Variants in ARHGAP11B observed in about 807,000 individuals in gnomAD.
ARHGAP11B encodes the protein inactive Rho GTPase-activating protein 11B.
A neutral mutation model predicts 27.6 loss-of-function variants in ARHGAP11B; 14 were observed. The observed-to-expected ratio is 0.51, with a 90% CI of 0.34 to 0.79. The LOEUF (loss-of-function observed/expected upper bound fraction) is 0.79. ARHGAP11B is among the 30% of genes least tolerant of loss of function. The pLI, the probability that ARHGAP11B is intolerant of heterozygous loss-of-function variation, is 0.02. For missense variants in ARHGAP11B, 245 were observed against 320.1 expected (o/e 0.77, Z 1.79); for synonymous variants, 82 against 114.1 (o/e 0.72, Z 1.80).
intron 7 of ARHGAP11B, among the ~76,000 whole-genome samples, chr15:30,640,741 T>A (rs1396536964): frequency 2.6e-5 from 4 of 151,908 alleles, no homozygotes; most frequent in African/African-American, 9.7e-5. Flanking sequence ...TATTGAGAAG[T>A]TGAACAGAAT....
At chr15:30,629,715 C>A (rs2060232712) in intron 1 of ARHGAP11B, among the ~76,000 whole-genome samples, 1 of 152,042 alleles carries the variant, frequency 6.6e-6, no homozygotes, top group Non-Finnish European at 1.5e-5. Flanking sequence ...ATTGACAATG[C>A]TGAGTGATTT....
chr15:30,626,929 A>G lies in ARHGAP11B; in HGVS notation c.109A>G (p.Thr37Ala), dbSNP rs747696819. 23 of 1,613,218 alleles carry G rather than the reference A, an allele frequency of 1.4e-5. No homozygotes were observed. The highest frequency in any genetic ancestry group is 1.8e-5 in the Non-Finnish European group (21 of 1,179,668). Residue 37 changes from threonine (T) to alanine (A), a missense_variant, in exon 1 of 11, where the codon ACA becomes GCA. Thr to Ala is a moderately conservative substitution (Grantham distance 58). Coordinates refer to ENST00000428041, the Ensembl canonical transcript of ARHGAP11B. Reference sequence around the variant, plus strand: ...GCAGTGCGATCGCAGGAGACATGAAACAGCAGCCACGGAAATAGGGGTAAG... The same window carrying G: ...GCAGTGCGATCGCAGGAGACATGAAGCAGCAGCCACGGAAATAGGGGTAAG...
In ARHGAP11B at chr15:30,626,816, C is replaced by T. The variant is rs780077658; in HGVS notation, c.-5C>T. On this transcript the variant is annotated 5_prime_UTR_variant, in exon 1 of 11. Coordinates refer to ENST00000428041, the Ensembl canonical transcript of ARHGAP11B. ...TCCTGCCTCAGAGTTATCGACGTAT[C>T]CGGAATGTGGGATCAGAGGCTGGTG... is the stretch of plus-strand genomic sequence containing the variant. The T allele has an allele frequency of 1.7e-5, 27 of 1,613,438 alleles. 1 individual carries two copies. Among genetic ancestry groups the T allele is most frequent in the Non-Finnish European group, 2.1e-5 (25 of 1,179,676 alleles).
chr15:30,626,144 TG>T (rs1470459249), exon 1 of ARHGAP11B: 2 of 153,658 alleles, frequency 1.3e-5, no homozygotes, highest in Admixed American at 6.5e-5. Flanking sequence ...TCCGGGTGTC[TG>T]CAGTGGAGCT....
rs933004817 is a variant in ARHGAP11B at position 30,626,839 on chromosome 15, G to T, written c.19G>T (p.Val7Leu). 3.7e-6 allele frequency: 6 copies of T among 1,613,750 alleles called. No homozygotes were observed. In the Admixed American group the frequency reaches 6.7e-5, roughly 18 times the overall value. ...ATCCGGAATGTGGGATCAGAGGCTG[G>T]TGAAGTTGGCCCTGTTGCAGCATCT... The change falls in exon 1 of 11, where the codon GTG becomes TTG. Residue 7 changes from valine (V) to leucine (L), a missense_variant. Around this residue, in one of 3 missense-constraint regions of ARHGAP11B, gnomAD observed 107 missense variants for 121.9 expected, o/e 0.88. Coordinates refer to ENST00000428041, the Ensembl canonical transcript of ARHGAP11B.
Position 30,630,389 on chromosome 15 carries a change from G to C in ARHGAP11B, c.130-314G>C, listed in dbSNP as rs559637531. On this transcript the variant is annotated intron_variant, in intron 1 of 10. Coordinates refer to ENST00000428041, the Ensembl canonical transcript of ARHGAP11B. ...ATGTTAGTGTTTTGGACCAAATTCT[G>C]TTTTAAGAATTTACTGACTAACCAC... is the stretch of plus-strand genomic sequence containing the variant. Among the ~76,000 whole-genome samples, 11 of 151,422 alleles carry C rather than the reference G, an allele frequency of 7.3e-5. 1 individual carries two copies. In the South Asian group the frequency reaches 2.3e-3, roughly 31 times the overall value.
chr15:30,626,914 C>T (rs1277085174), exon 1 of ARHGAP11B: 1 of 1,613,238 alleles, frequency 6.2e-7, no homozygotes, highest in East Asian at 2.2e-5. Flanking sequence ...GCAGTGCGAT[C>T]GCAGGAGACA....
At chr15:30,641,445 C>T (rs969462805) in intron 7 of ARHGAP11B, 5 of 151,210 alleles carry the variant, frequency 3.3e-5, no homozygotes, top group Admixed American at 2.6e-4. Flanking sequence ...AAGCGATTTT[C>T]CTGCCTCAGC....
chr15:30,628,875 ATAAGACT>A (rs1363464993), intron 1 of ARHGAP11B, among the ~76,000 whole-genome samples: 2 of 152,070 alleles, frequency 1.3e-5, no homozygotes, highest in African/African-American at 4.8e-5. Flanking sequence ...ATTCTAAATA[ATAAGACT>A]TAAGGAAAAA....
At chr15:30,642,570 A>G (rs2060321989) in intron 7 of ARHGAP11B, among the ~76,000 whole-genome samples, 1 of 152,018 alleles carries the variant, frequency 6.6e-6, no homozygotes, top group Admixed American at 6.6e-5. Context: ...TATTTTTTAT[A>G]ATACCATTAA....
chr15:30,627,335 A>T lies in ARHGAP11B; in HGVS notation c.129+386A>T, dbSNP rs142980680. Among the ~76,000 whole-genome samples, 370 of 152,204 alleles carry T rather than the reference A, an allele frequency of 2.4e-3. 6 individuals are homozygous for T. The highest frequency in any genetic ancestry group is 8.5e-3 in the African/African-American group (354 of 41,548). On this transcript the variant is annotated intron_variant, in intron 1 of 10. Coordinates refer to ENST00000428041, the Ensembl canonical transcript of ARHGAP11B. ...ATTAAAAATGTCTCCGGATATTGCCAGCTTACTGTATTTGGAACAGGTAGT... is the reference window on the plus strand; with the variant it reads ...ATTAAAAATGTCTCCGGATATTGCCTGCTTACTGTATTTGGAACAGGTAGT...
chr15:30,645,278 A>G (rs539031656), intron 8 of ARHGAP11B, among the ~76,000 whole-genome samples: 1 of 151,946 alleles, frequency 6.6e-6, no homozygotes, highest in Non-Finnish European at 1.5e-5. Flanking sequence ...CAATTTGGGG[A>G]AAATTATTCA....
intron 2 of ARHGAP11B, among the ~76,000 whole-genome samples, chr15:30,631,529 G>A (rs1468126559): frequency 6.6e-6 from 1 of 151,836 alleles, no homozygotes; most frequent in African/African-American, 2.4e-5. Flanking sequence ...AGCTGGGCAA[G>A]GTGGTGTACA....
At chr15:30,634,380 G>A (rs751138607) in exon 4 of ARHGAP11B, 2 of 1,613,318 alleles carry the variant, frequency 1.2e-6, no homozygotes, top group South Asian at 1.1e-5. Context: ...CACAGTTCAT[G>A]TATTAAGATA....
exon 3 of ARHGAP11B, chr15:30,633,526 T>C: frequency 6.2e-7 from 1 of 1,613,476 alleles, no homozygotes; most frequent in Non-Finnish European, 8.5e-7. Context: ...TAGAAGAACA[T>C]ATTCATACCG....
chr15:30,646,447 G>C (rs1324895747), intron 9 of ARHGAP11B, among the ~76,000 whole-genome samples: 1 of 151,954 alleles, frequency 6.6e-6, no homozygotes, highest in Non-Finnish European at 1.5e-5. Flanking sequence ...TTAATCCTTA[G>C]GTCTTAAAGT....
chr15:30,632,532 A>G (rs2060252560), intron 2 of ARHGAP11B, among the ~76,000 whole-genome samples: 1 of 151,874 alleles, frequency 6.6e-6, no homozygotes. Context: ...TTATTTAATT[A>G]AAAAGACTGT....
chr15:30,637,463 G>A (rs989640109), intron 6 of ARHGAP11B, among the ~76,000 whole-genome samples: 1 of 152,096 alleles, frequency 6.6e-6, no homozygotes, highest in Non-Finnish European at 1.5e-5. Flanking sequence ...GGCCGGGTGC[G>A]ATGGCTTACG....
intron 6 of ARHGAP11B, among the ~76,000 whole-genome samples, chr15:30,638,383 T>G (rs1487614910): frequency 6.6e-6 from 1 of 151,822 alleles, no homozygotes; most frequent in African/African-American, 2.4e-5. Flanking sequence ...TACTGATCTT[T>G]TAAATACTTT....
Sources: allele counts gnomAD v4.1 joint callset (sites outside exome capture counted in the v4.1 genomes callset), GRCh38; gene constraint gnomAD v4.1.1; regional missense constraint gnomAD v4.1.1; transcripts MANE v1.5; gene names NCBI Gene and HGNC (gene_info 2026-07-23, HGNC 2026-07-21).